PGM5: variants seen among roughly 807,000 people sequenced by gnomAD.
PGM5 encodes the protein phosphoglucomutase 5.
Under a neutral mutation model 59.2 loss-of-function variants are expected in PGM5, and 23 were observed. The ratio of observed to expected loss-of-function variants is 0.39; its 90% CI spans 0.28 to 0.55. PGM5 has a LOEUF of 0.55. Among genes scored for constraint, PGM5 ranks in the 20% least tolerant of loss-of-function variants. The pLI, the probability that PGM5 is intolerant of heterozygous loss-of-function variation, is 0.66. For missense variants in PGM5, 574 were observed against 748.3 expected (o/e 0.77, Z 2.72); for synonymous variants, 214 against 286.0 (o/e 0.75, Z 2.54).
At chr9:68,475,591 A>G (rs940157672) in intron 7 of PGM5, among the ~76,000 whole-genome samples, 2 of 152,086 alleles carry the variant, frequency 1.3e-5, no homozygotes, top group African/African-American at 4.8e-5. Context: ...ACAATTACCT[A>G]TTGGATACAA....
At chr9:68,472,019 T>G (rs1824028185) in intron 7 of PGM5, among the ~76,000 whole-genome samples, 1 of 151,416 alleles carries the variant, frequency 6.6e-6, no homozygotes, top group Non-Finnish European at 1.5e-5. Context: ...AGCATGCTGG[T>G]ATGCTCTGTG....
intron 3 of PGM5, among the ~76,000 whole-genome samples, chr9:68,386,070 T>C (rs1195598646): frequency 6.6e-6 from 1 of 151,692 alleles, no homozygotes; most frequent in Non-Finnish European, 1.5e-5. Flanking sequence ...GTTTTTCACA[T>C]TTGTTTGGTA....
chr9:68,440,144 C>A (rs1823503503), intron 6 of PGM5, among the ~76,000 whole-genome samples: 1 of 152,196 alleles, frequency 6.6e-6, no homozygotes, highest in Non-Finnish European at 1.5e-5. Flanking sequence ...CAACAGTCTT[C>A]TGTGAGAAAC....
chr9:68,360,083 G>T (rs1394247303), intron 1 of PGM5, among the ~76,000 whole-genome samples: 1 of 152,044 alleles, frequency 6.6e-6, no homozygotes, highest in Admixed American at 6.5e-5. Context: ...GATCTCAAGA[G>T]ATCTGCCTGC....
At chr9:68,399,731 G>A (rs1822617673) in intron 6 of PGM5, among the ~76,000 whole-genome samples, 1 of 151,804 alleles carries the variant, frequency 6.6e-6, no homozygotes, top group Admixed American at 6.6e-5. Flanking sequence ...GTCAGTTTTA[G>A]GCACTTCTAA....
intron 8 of PGM5, among the ~76,000 whole-genome samples, chr9:68,480,583 T>C (rs541022130): frequency 3.3e-5 from 5 of 151,900 alleles, no homozygotes; most frequent in Admixed American, 3.3e-4. Context: ...TGCACACCTG[T>C]AGCTACTAGG....
Position 68,414,999 on chromosome 9 carries a change from A to G in PGM5, c.1043+22526A>G, listed in dbSNP as rs2260102. Among the ~76,000 whole-genome samples, 1,277 of 142,276 alleles carry G rather than the reference A, an allele frequency of 9.0e-3. 5 individuals carry two copies. The highest frequency in any genetic ancestry group is 0.019 in the East Asian group (71 of 3,672). 93.3% of individuals were successfully genotyped at this position (142,276 alleles called of 152,430 possible). Reference sequence around the variant, plus strand: ...CACTGAGGTACACATAAGTATACCAATGGTAATGCTGCTGGAAGAGTAGCC... The same window carrying G: ...CACTGAGGTACACATAAGTATACCAGTGGTAATGCTGCTGGAAGAGTAGCC... On this transcript the variant is annotated intron_variant, in intron 6 of 10. Transcript: ENST00000396396.
intron 10 of PGM5, among the ~76,000 whole-genome samples, chr9:68,522,315 G>A (rs1443404178): frequency 2.0e-5 from 3 of 152,200 alleles, no homozygotes; most frequent in East Asian, 3.9e-4. Context: ...GGATGGTGGG[G>A]CAGTGTGTTA....
intron 10 of PGM5, among the ~76,000 whole-genome samples, chr9:68,515,987 A>G (rs1442760656): frequency 6.6e-6 from 1 of 152,248 alleles, no homozygotes; most frequent in African/African-American, 2.4e-5. Flanking sequence ...GCAGAATGCT[A>G]TGTGTTTTGT....
At chr9:68,427,030 A>T (rs1236132423) in intron 6 of PGM5, 3 of 152,250 alleles carry the variant, frequency 2.0e-5, no homozygotes, top group African/African-American at 7.2e-5. Flanking sequence ...TGGTCACCTG[A>T]CTTGCCAAAG....
At chr9:68,477,356 C>T (rs538303774) in intron 7 of PGM5, among the ~76,000 whole-genome samples, 2 of 152,300 alleles carry the variant, frequency 1.3e-5, no homozygotes, top group African/African-American at 4.8e-5. Flanking sequence ...ACATTTAACA[C>T]CATAAATGTC....
At chr9:68,400,052 C>T (rs1161252930) in intron 6 of PGM5, among the ~76,000 whole-genome samples, 1 of 151,986 alleles carries the variant, frequency 6.6e-6, no homozygotes, top group Non-Finnish European at 1.5e-5. Context: ...ACTTTATGTT[C>T]TCATTATCTT....
intron 10 of PGM5, among the ~76,000 whole-genome samples, chr9:68,509,465 CTGACAGAG>C (rs1412122492): frequency 6.6e-6 from 1 of 152,158 alleles, no homozygotes; most frequent in Non-Finnish European, 1.5e-5. Context: ...GTAGATGAGG[CTGACAGAG>C]TGGCTTGAAA....
At chr9:68,378,814 C>T (rs1203327771) in intron 2 of PGM5, among the ~76,000 whole-genome samples, 1 of 151,494 alleles carries the variant, frequency 6.6e-6, no homozygotes, top group Non-Finnish European at 1.5e-5. Context: ...CTCTCAAAAT[C>T]ATAGAATTGT....
intron 10 of PGM5, among the ~76,000 whole-genome samples, chr9:68,499,651 A>T (rs1382837864): frequency 6.6e-6 from 1 of 152,178 alleles, no homozygotes; most frequent in African/African-American, 2.4e-5. Flanking sequence ...AAGAAAAAGC[A>T]CCTTTTATAG....
At chr9:68,421,798 G>A (rs782743984) in intron 6 of PGM5, among the ~76,000 whole-genome samples, 5 of 151,776 alleles carry the variant, frequency 3.3e-5, no homozygotes, top group Non-Finnish European at 7.4e-5. Flanking sequence ...GATTCCAGAT[G>A]CTTACTTTGT....
intron 10 of PGM5, among the ~76,000 whole-genome samples, chr9:68,515,245 A>G (rs552177477): frequency 3.9e-5 from 6 of 152,368 alleles, no homozygotes; most frequent in African/African-American, 7.2e-5. Flanking sequence ...TGCATTAACC[A>G]TCCATTAATT....
chr9:68,462,171 C>T (rs1823867244), intron 6 of PGM5, among the ~76,000 whole-genome samples: 1 of 151,918 alleles, frequency 6.6e-6, no homozygotes, highest in African/African-American at 2.4e-5. Context: ...CTTTTTTTCC[C>T]TTCACACTCT....
intron 1 of PGM5, among the ~76,000 whole-genome samples, chr9:68,376,137 G>A (rs1237259056): frequency 1.3e-5 from 2 of 152,170 alleles, no homozygotes; most frequent in Non-Finnish European, 2.9e-5. Flanking sequence ...GTGACTTGAT[G>A]TGACTTACTT....
Sources: gnomAD v4.1 joint callset for allele counts (sites outside exome capture counted in the v4.1 genomes callset) on GRCh38, gnomAD v4.1.1 for gene constraint, MANE v1.5 for transcripts, NCBI Gene and HGNC (gene_info 2026-07-23, HGNC 2026-07-21) for gene names.